Variants in EBF2 observed in about 807,000 individuals in gnomAD.
EBF2 encodes the protein EBF transcription factor 2, also known as transcription factor COE2.
A neutral mutation model predicts 72.8 loss-of-function variants in EBF2; 21 were observed. The ratio of observed to expected loss-of-function variants is 0.29; its 90% CI spans 0.20 to 0.42. The LOEUF is 0.42. Ranked by LOEUF, EBF2 falls within the 10% of genes least tolerant of loss-of-function variation. The pLI, the probability that EBF2 is intolerant of heterozygous loss-of-function variation, is 1.00. For missense variants in EBF2, 637 were observed against 731.2 expected, an observed-to-expected ratio of 0.87 and a Z score of 1.49; for synonymous variants, 299 against 274.2, an observed-to-expected ratio of 1.09 and a Z score of -0.89.
intron 7 of EBF2, among the ~76,000 whole-genome samples, chr8:25,893,109 G>C (rs551595832): frequency 8.5e-5 from 13 of 152,242 alleles, no homozygotes; most frequent in Admixed American, 3.3e-4. Context: ...CATGAAGATT[G>C]TATTGCCTAC....
In EBF2 at chr8:25,844,024, T is replaced by C. The variant is rs753164350; in HGVS notation, c.*585A>G. 6.6e-6 allele frequency: 1 copy of C among 152,134 alleles called. No homozygotes were observed. The highest frequency in any genetic ancestry group is 1.5e-5 in the Non-Finnish European group (1 of 68,046). The allele number at this position is 152,134 out of a possible 1,614,324, so 9.4% of individuals were successfully genotyped here. The stretch of plus-strand genomic sequence containing the variant: ...GTTACACATTTATTTATTTAAATAA[T>C]TGTAAAACATTTTAAAATTTTTCCC... On this transcript the variant is annotated 3_prime_UTR_variant, in exon 16 of 16. Coordinates refer to ENST00000520164, the MANE Select transcript of EBF2 (RefSeq NM_022659.4).
At chr8:26,022,360 G>A (rs112668389) in intron 6 of EBF2, among the ~76,000 whole-genome samples, 1 of 152,142 alleles carries the variant, frequency 6.6e-6, no homozygotes, top group East Asian at 1.9e-4. Context: ...TTAGAAAAAT[G>A]TCCTGTACAA....
chr8:26,044,849 A>G lies in EBF2; in HGVS notation c.11T>C (p.Ile4Thr), dbSNP rs1440533474. 1 of 1,614,086 alleles carries G rather than the reference A, an allele frequency of 6.2e-7. No individual in the cohort carries two copies. The highest frequency in any genetic ancestry group is 8.5e-7 in the Non-Finnish European group (1 of 1,180,000). The change falls in exon 1 of 16, where the codon ATT becomes ACT. Residue 4 changes from isoleucine (I) to threonine (T), a missense_variant. Ile to Thr is a moderately conservative substitution (Grantham distance 89, BLOSUM62 -1). Around this residue, in one of 3 missense-constraint regions of EBF2, gnomAD observed 174 missense variants for 161.9 expected, o/e 1.07. Transcript: ENST00000520164. The surrounding 1 kb of genome is among the most constrained non-coding windows in gnomAD (Gnocchi z 4.1). Reference protein sequence around the residue: MFGIQDTLGRGPTL... With the variant: MFGTQDTLGRGPTL... ...TGGTCCTCTTCCTAAAGTATCTTGA[A>G]TTCCAAACATTTAAAAAGTCTGATC...
At chr8:26,040,793 G>A (rs1469663760) in intron 3 of EBF2, 122 bp from the exon 4 acceptor site, 4 of 1,473,660 alleles carry the variant, frequency 2.7e-6, no homozygotes, top group Admixed American at 2.0e-5. Flanking sequence ...CCTGGAGACG[G>A]TGACCTCCCA....
At chr8:25,923,245 A>AAATGGCCCAGAGAGTAT (rs1423227469) in intron 6 of EBF2, among the ~76,000 whole-genome samples, 1 of 152,258 alleles carries the variant, frequency 6.6e-6, no homozygotes, top group African/African-American at 2.4e-5. Context: ...CCACTCCCAG[A>AAATGGCCCAGAGAGTAT]AATGGCCCAG....
chr8:26,033,691 G>A (rs1384611016), intron 5 of EBF2, among the ~76,000 whole-genome samples: 1 of 152,054 alleles, frequency 6.6e-6, no homozygotes, highest in Non-Finnish European at 1.5e-5. Flanking sequence ...AACCACCGTG[G>A]CACATGTTTA....
In EBF2 at chr8:26,005,561, T is replaced by TATAGAGAGAG. The variant is rs375386709; in HGVS notation, c.551+27523_551+27524insCTCTCTCTAT. Among the ~76,000 whole-genome samples the TATAGAGAGAG allele has an allele frequency of 5.6e-3, 359 of 63,892 alleles. 8 individuals carry two copies. Among genetic ancestry groups the TATAGAGAGAG allele is most frequent in the African/African-American group, 0.024 (333 of 13,778 alleles). 41.9% of individuals were successfully genotyped at this position (63,892 alleles called of 152,430 possible). ...TATATTTTATATATATATATATATATAGAGAGAGAGAGAGAGAGGTATTTT... is the reference window on the plus strand; with the variant it reads ...TATATTTTATATATATATATATATATATAGAGAGAGAGAGAGAGAGAGAGAGAGGTATTTT... On this transcript the variant is annotated intron_variant, in intron 6 of 15. Coordinates refer to ENST00000520164, the MANE Select transcript of EBF2 (RefSeq NM_022659.4).
chr8:26,026,992 T>A (rs1248436224), intron 6 of EBF2, among the ~76,000 whole-genome samples: 1 of 152,168 alleles, frequency 6.6e-6, no homozygotes, highest in African/African-American at 2.4e-5. Flanking sequence ...TAGATAAATG[T>A]TATTATTGGT....
chr8:26,011,023 G>T, intron 6 of EBF2, among the ~76,000 whole-genome samples: 1 of 125,982 alleles, frequency 7.9e-6, no homozygotes, highest in South Asian at 2.6e-4. Context: ...ACATCTCTAA[G>T]GTAGTCTTAC....
intron 6 of EBF2, among the ~76,000 whole-genome samples, chr8:25,974,830 G>A (rs1804243400): frequency 6.6e-6 from 1 of 152,050 alleles, no homozygotes; most frequent in Non-Finnish European, 1.5e-5. Flanking sequence ...GAGATCCGGG[G>A]AGACTTCCCA....
chr8:26,023,491 G>A (rs550383644), intron 6 of EBF2, among the ~76,000 whole-genome samples: 1 of 152,242 alleles, frequency 6.6e-6, no homozygotes, highest in Non-Finnish European at 1.5e-5. Flanking sequence ...GATTTTCACT[G>A]GGAATTGATC....
chr8:25,861,343 A>C lies in EBF2; in HGVS notation c.1130T>G (p.Val377Gly). The C allele has an allele frequency of 6.2e-7, 1 of 1,614,240 alleles. No homozygotes were observed. The highest frequency in any genetic ancestry group is 8.5e-7 in the Non-Finnish European group (1 of 1,180,038). ...GTGTGGTGTGCCATAAAGAGCTTCC[A>C]CTAGATCTGCAGCTCTTTTCAACAG... ...EMLLKRAADL[V>G]EALYGTPHNN... Residue 377 changes from valine (V) to glycine (G), a missense_variant, in exon 12 of 16, where the codon GTG becomes GGG. Val to Gly is a moderately radical substitution (Grantham distance 109, BLOSUM62 -3). Coordinates refer to ENST00000520164, the MANE Select transcript of EBF2 (RefSeq NM_022659.4).
chr8:25,997,869 A>G (rs1043562330), intron 6 of EBF2, among the ~76,000 whole-genome samples: 1 of 152,174 alleles, frequency 6.6e-6, no homozygotes, highest in Non-Finnish European at 1.5e-5. Context: ...GAAACTGGGT[A>G]AAAAAGCTAA....
At chr8:25,867,265 C>A (rs1243151194) in intron 10 of EBF2, among the ~76,000 whole-genome samples, 1 of 152,134 alleles carries the variant, frequency 6.6e-6, no homozygotes, top group Non-Finnish European at 1.5e-5. Context: ...GAGAAGTTTT[C>A]TTTATTTTAT....
At position 25,875,252 on chromosome 8, in the gene EBF2, T is replaced by G. The variant is rs566911044; in HGVS notation, c.1009+11503A>C. ...TCCTCCCACCAGATGCTTACAACAG[T>G]GAATTGTGCTTGTGCTTTTATATTT... On this transcript the variant is annotated intron_variant, in intron 10 of 15. Coordinates refer to ENST00000520164, the MANE Select transcript of EBF2 (RefSeq NM_022659.4). Among the ~76,000 whole-genome samples the G allele has an allele frequency of 3.9e-5, 6 of 152,326 alleles. No individual in the cohort carries two copies. In the South Asian group the frequency reaches 1.2e-3, roughly 32 times the overall value.
At chr8:25,960,577 C>T (rs538391121) in intron 6 of EBF2, among the ~76,000 whole-genome samples, 39 of 152,078 alleles carry the variant, frequency 2.6e-4, no homozygotes, top group Non-Finnish European at 5.0e-4. Flanking sequence ...GAAAATGTTC[C>T]AGTTACTATA....
At chr8:26,028,085 A>C (rs553415840) in intron 6 of EBF2, among the ~76,000 whole-genome samples, 4 of 152,232 alleles carry the variant, frequency 2.6e-5, no homozygotes, top group African/African-American at 4.8e-5. Context: ...CATGCCACCA[A>C]ACTACACACT....
chr8:25,952,288 C>T (rs987595464), intron 6 of EBF2, among the ~76,000 whole-genome samples: 4 of 152,068 alleles, frequency 2.6e-5, no homozygotes, highest in African/African-American at 9.7e-5. Flanking sequence ...GAGCAAGACT[C>T]TAGTATGTTC....
chr8:25,934,831 A>G (rs1233615441), intron 6 of EBF2, among the ~76,000 whole-genome samples: 1 of 152,154 alleles, frequency 6.6e-6, no homozygotes, highest in Non-Finnish European at 1.5e-5. Context: ...CCTTATTAAT[A>G]TCCTACGGCG....
Sources: allele counts gnomAD v4.1 joint callset (sites outside exome capture counted in the v4.1 genomes callset), GRCh38; gene constraint gnomAD v4.1.1; regional missense constraint gnomAD v4.1.1; non-coding constraint Gnocchi (gnomAD v3.1); transcripts MANE v1.5; gene names NCBI Gene and HGNC (gene_info 2026-07-23, HGNC 2026-07-21).